The following AP3B1 variants were observed in gnomAD, a reference collection of about 807,000 sequenced individuals.
AP3B1 encodes the protein AP-3 complex subunit beta-1.
In AP3B1, 61 loss-of-function variants were observed where a neutral mutation model predicts 132.5. The ratio of observed to expected loss-of-function variants is 0.46; its 90% CI spans 0.37 to 0.57. The LOEUF (loss-of-function observed/expected upper bound fraction) is 0.57, where lower values mean the gene tolerates loss of function less well. AP3B1 is among the 20% of genes least tolerant of loss of function. AP3B1 has a pLI of 0.00. For synonymous variants in AP3B1, 388 were observed against 438.3 expected (o/e 0.89, Z 1.43); for missense variants, 1,120 against 1,289.4 (o/e 0.87, Z 2.01).
chr5:78,279,578 G>A (rs986388279), intron 1 of AP3B1, among the ~76,000 whole-genome samples: 4 of 151,428 alleles, frequency 2.6e-5, no homozygotes, highest in African/African-American at 9.7e-5. Context: ...ACCATACTAC[G>A]CTGTCAATTT....
rs1248094372 is a variant in AP3B1, at chr5:78,194,651, G to A, written c.787-12989C>T. 2.6e-5 allele frequency among the ~76,000 whole-genome samples: 4 copies of A among 152,260 alleles called. No homozygotes were observed. In the East Asian group the frequency reaches 5.8e-4, roughly 22 times the overall value. ...CATGACTGGTTCTAGAGCTAAGGCA[G>A]TTAAAACAACTAATAAATAAATAAA... On this transcript the variant is annotated intron_variant, in intron 7 of 26. Coordinates refer to ENST00000255194, the MANE Select transcript of AP3B1 (RefSeq NM_003664.5).
intron 17 of AP3B1, among the ~76,000 whole-genome samples, chr5:78,123,392 C>T (rs1752315331): frequency 6.6e-6 from 1 of 152,092 alleles, no homozygotes; most frequent in Non-Finnish European, 1.5e-5. Context: ...AAAGAAACTA[C>T]CATCAGAGTG....
chr5:78,120,088 C>T (rs1023574117), intron 17 of AP3B1, among the ~76,000 whole-genome samples: 1 of 152,084 alleles, frequency 6.6e-6, no homozygotes, highest in African/African-American at 2.4e-5. Flanking sequence ...TCCAGCCAAA[C>T]TAAGCTTCCT....
chr5:78,157,335 C>T (rs982341849), intron 13 of AP3B1, among the ~76,000 whole-genome samples: 15 of 152,150 alleles, frequency 9.9e-5, no homozygotes, highest in African/African-American at 2.4e-4. Flanking sequence ...CCACAGTTTA[C>T]AAACAGTTCA....
rs753441125 is a variant in AP3B1, at chr5:78,165,690, GA to G, written c.1168-19del. ...ATTTCAAGCTATAGTAGAGAAAAGA[GA>G]AAGTAAACATTTTAAAACAAAGGTA... On this transcript the variant is annotated intron_variant, in intron 11 of 26. Transcript: ENST00000255194. 6.5e-7 allele frequency: 1 copy of G among 1,538,458 alleles called. No individual in the cohort carries two copies. The highest frequency in any genetic ancestry group is 2.3e-5 in the East Asian group (1 of 44,350).
At chr5:78,264,553 C>T (rs10075003) in intron 2 of AP3B1, among the ~76,000 whole-genome samples, 36,254 of 152,002 alleles carry the variant, frequency 0.24, 5,154 homozygotes, top group Non-Finnish European at 0.32. Context: ...GGCCTGATAA[C>T]CAGGAATTCA....
In AP3B1 at chr5:78,227,445, T is replaced by A. The variant is rs775733788; in HGVS notation, c.463A>T (p.Ile155Phe). Reference sequence around the variant, plus strand: ...GATAAGTCAGCAGAAGCTTCCTTAATAGCAAGCATCATGATAGGTACAATA... The same window carrying A: ...GATAAGTCAGCAGAAGCTTCCTTAAAAGCAAGCATCATGATAGGTACAATA... ...PIIVPIMMLA[I>F]KEASADLSPY... Residue 155 changes from isoleucine (I) to phenylalanine (F), a missense_variant, in exon 5 of 27, where the codon ATT becomes TTT. By Grantham distance (21) the Ile-to-Phe change is conservative. Coordinates refer to ENST00000255194, the MANE Select transcript of AP3B1 (RefSeq NM_003664.5). 6.2e-7 allele frequency: 1 copy of A among 1,613,494 alleles called. No homozygotes were observed. The highest frequency in any genetic ancestry group is 8.5e-7 in the Non-Finnish European group (1 of 1,179,636).
chr5:78,097,701 A>AG (rs1750932184), intron 21 of AP3B1, among the ~76,000 whole-genome samples: 1 of 150,020 alleles, frequency 6.7e-6, no homozygotes, highest in South Asian at 2.1e-4. Flanking sequence ...CCAGGAGGTG[A>AG]GGGGCGCCTC....
intron 14 of AP3B1, among the ~76,000 whole-genome samples, chr5:78,155,448 A>G (rs1431237890): frequency 6.6e-6 from 1 of 152,106 alleles, no homozygotes; most frequent in Non-Finnish European, 1.5e-5. Context: ...TTTTGTGTGT[A>G]ATTAGTTGCT....
At chr5:78,043,867 T>G (rs933108371) in intron 22 of AP3B1, 2 of 360,112 alleles carry the variant, frequency 5.6e-6, no homozygotes, top group Admixed American at 3.1e-5. Flanking sequence ...GGCATTGACA[T>G]GACCAAGGCT....
intron 26 of AP3B1, among the ~76,000 whole-genome samples, chr5:78,014,474 C>A (rs922437426): frequency 6.6e-6 from 1 of 152,166 alleles, no homozygotes; most frequent in Non-Finnish European, 1.5e-5. Flanking sequence ...GATTACCAAG[C>A]CCATTAGTGG....
At chr5:78,200,079 C>T (rs543937140) in intron 7 of AP3B1, among the ~76,000 whole-genome samples, 32 of 151,894 alleles carry the variant, frequency 2.1e-4, no homozygotes, top group African/African-American at 7.2e-4. Flanking sequence ...GGAGGTAAGA[C>T]GGGGAAGGGA....
chr5:78,003,733 G>A (rs1441553816), intron 26 of AP3B1, among the ~76,000 whole-genome samples: 1 of 152,152 alleles, frequency 6.6e-6, no homozygotes, highest in Non-Finnish European at 1.5e-5. Flanking sequence ...ATTTCCAGAG[G>A]AAACTGGAGG....
In AP3B1 at chr5:78,134,250, A is replaced by ACT. The variant is rs796736491; in HGVS notation, c.1651-4944_1651-4943insAG. ...ATTCAAACAATAGCTTTCTTCTAATAGATTATAAGTCAGTACAAATAACTA... is the reference window on the plus strand; with the variant it reads ...ATTCAAACAATAGCTTTCTTCTAATACTGATTATAAGTCAGTACAAATAACTA... On this transcript the variant is annotated intron_variant, in intron 15 of 26. Transcript: ENST00000255194. 7.6e-4 allele frequency among the ~76,000 whole-genome samples: 116 copies of ACT among 152,000 alleles called. 3 individuals carry two copies. The East Asian group carries it at 0.021, about 28-fold the overall frequency.
At chr5:78,127,471 A>G (rs1457801343) in intron 17 of AP3B1, among the ~76,000 whole-genome samples, 2 of 152,198 alleles carry the variant, frequency 1.3e-5, no homozygotes, top group Non-Finnish European at 2.9e-5. Context: ...AAAGATTGAG[A>G]AAAAGAGTAT....
At chr5:78,114,628 TA>T in intron 18 of AP3B1, among the ~76,000 whole-genome samples, 1 of 152,324 alleles carries the variant, frequency 6.6e-6, no homozygotes, top group Middle Eastern at 3.4e-3. Context: ...TTTTACTATT[TA>T]AAATGACTAT....
At chr5:78,196,051 C>T (rs1267885517) in intron 7 of AP3B1, among the ~76,000 whole-genome samples, 1 of 152,082 alleles carries the variant, frequency 6.6e-6, no homozygotes, top group African/African-American at 2.4e-5. Flanking sequence ...AAATTTAAAA[C>T]TTTTGCTATG....
intron 11 of AP3B1, among the ~76,000 whole-genome samples, chr5:78,173,300 C>A (rs1208712045): frequency 2.0e-5 from 3 of 152,062 alleles, no homozygotes; most frequent in Non-Finnish European, 4.4e-5. Context: ...GAGTTCAAGG[C>A]CTGGATATCC....
chr5:78,115,916 T>C, intron 18 of AP3B1: 1 of 580,246 alleles, frequency 1.7e-6, no homozygotes, highest in Non-Finnish European at 3.1e-6. Flanking sequence ...TCAGCTACTA[T>C]CCAAGAGATA....
Sources: allele counts gnomAD v4.1 joint callset (sites outside exome capture counted in the v4.1 genomes callset), GRCh38; gene constraint gnomAD v4.1.1; transcripts MANE v1.5; gene names NCBI Gene and HGNC (gene_info 2026-07-23, HGNC 2026-07-21).